The following CDH22 variants were observed in gnomAD, a reference collection of about 807,000 sequenced individuals.
CDH22 encodes the protein cadherin-22.
CDH22 carries 30 observed loss-of-function variants against 58.4 expected under a neutral mutation model. That is an observed-to-expected ratio of 0.51 (90% CI 0.38 to 0.70). The LOEUF (loss-of-function observed/expected upper bound fraction) is 0.70, where lower values mean the gene tolerates loss of function less well. Ranked by LOEUF, CDH22 falls within the 30% of genes least tolerant of loss-of-function variation. The probability of loss-of-function intolerance (pLI) is 0.00; values close to 1 mark genes in which losing one functional copy is unlikely to be tolerated. For missense variants in CDH22, 1,014 were observed against 1,233.9 expected, an observed-to-expected ratio of 0.82 and a Z score of 2.67; for synonymous variants, 513 against 558.2, an observed-to-expected ratio of 0.92 and a Z score of 1.14.
chr20:46,210,121 C>T lies in CDH22; in HGVS notation c.1286+186G>A. The T allele has an allele frequency of 3.7e-6, 2 of 539,914 alleles. No individual in the cohort carries two copies. The highest frequency in any genetic ancestry group is 6.6e-5 in the South Asian group (2 of 30,204). 33.4% of individuals were successfully genotyped at this position (539,914 alleles called of 1,614,324 possible). A position where few individuals can be genotyped will look rare whatever the true frequency, so the allele number is the denominator to read the frequency against. On this transcript the variant is annotated intron_variant, in intron 7 of 11. Coordinates refer to ENST00000537909, the MANE Select transcript of CDH22 (RefSeq NM_021248.3). The surrounding 1 kb of genome is among the most constrained non-coding windows in gnomAD (Gnocchi z 4.5). Reference sequence around the variant, plus strand: ...CATTGACTGTTCTCACATCTGCTTCCTTGGCTCTTTGGCTCCGTGCCTGTT... The same window carrying T: ...CATTGACTGTTCTCACATCTGCTTCTTTGGCTCTTTGGCTCCGTGCCTGTT...
At chr20:46,222,263 G>A (rs1457835776) in intron 4 of CDH22, among the ~76,000 whole-genome samples, 3 of 152,134 alleles carry the variant, frequency 2.0e-5, no homozygotes, top group African/African-American at 7.2e-5. Context: ...TGTTCATCCC[G>A]TGTCTATAGG....
Position 46,216,769 on chromosome 20 carries a change from G to A in CDH22, c.838+57C>T. 2 of 1,518,914 alleles carry A rather than the reference G, an allele frequency of 1.3e-6. No homozygotes were observed. The highest frequency in any genetic ancestry group is 1.8e-6 in the Non-Finnish European group (2 of 1,104,890). The allele number at this position is 1,518,914 out of a possible 1,614,324, so 94.1% of individuals were successfully genotyped here. A position where few individuals can be genotyped will look rare whatever the true frequency, so the allele number is the denominator to read the frequency against. On this transcript the variant is annotated intron_variant, in intron 5 of 11. Transcript: ENST00000537909. This position sits in a 1 kb window ranked among gnomAD's most constrained non-coding sequence, Gnocchi z 5.3. The stretch of plus-strand genomic sequence containing the variant: ...GGAAGCTGGGGTCAGCAGGTGGCTT[G>A]GATGGGGTAACAGACAGACACACAG...
intron 8 of CDH22, among the ~76,000 whole-genome samples, chr20:46,189,408 C>T (rs2085848689): frequency 6.6e-6 from 1 of 152,126 alleles, no homozygotes; most frequent in African/African-American, 2.4e-5. Context: ...TCTTTCCCAG[C>T]AGAGGCAGAG....
In CDH22 at chr20:46,210,598, T is replaced by A. The variant is rs775610729; in HGVS notation, c.1033-38A>T. ...GCAGAGGGCCGGTTAGTGGGTGGGGTCTGGTGGACACTGAGGCCTTCACGA... is the reference window on the plus strand; with the variant it reads ...GCAGAGGGCCGGTTAGTGGGTGGGGACTGGTGGACACTGAGGCCTTCACGA... On this transcript the variant is annotated intron_variant, in intron 6 of 11. Transcript: ENST00000537909. This position sits in a 1 kb window ranked among gnomAD's most constrained non-coding sequence, Gnocchi z 4.5. 1.4e-6 allele frequency: 2 copies of A among 1,415,816 alleles called. No homozygotes were observed. Among genetic ancestry groups the A allele is most frequent in the Non-Finnish European group, 1.9e-6 (2 of 1,080,636 alleles). 87.7% of individuals were successfully genotyped at this position (1,415,816 alleles called of 1,614,324 possible). A position where few individuals can be genotyped will look rare whatever the true frequency, so the allele number is the denominator to read the frequency against.
At chr20:46,261,890 A>C (rs1221532825) in intron 1 of CDH22, among the ~76,000 whole-genome samples, 1 of 152,092 alleles carries the variant, frequency 6.6e-6, no homozygotes, top group Non-Finnish European at 1.5e-5. Flanking sequence ...CCCTAGGTAT[A>C]AGGCACGATG....
At chr20:46,195,614 ACC>A (rs113226361) in intron 8 of CDH22, among the ~76,000 whole-genome samples, 1 of 105,842 alleles carries the variant, frequency 9.4e-6, no homozygotes, top group African/African-American at 3.4e-5. Flanking sequence ...TCTCCCCTAG[ACC>A]CCCCCCCCAC....
At chr20:46,269,155 C>T (rs1663876377) in intron 1 of CDH22, among the ~76,000 whole-genome samples, 1 of 152,226 alleles carries the variant, frequency 6.6e-6, no homozygotes. Context: ...ACTGATCTTT[C>T]ATGGTTTGCC....
At chr20:46,217,115 T>A in intron 4 of CDH22, 122 bp from the exon 5 acceptor site, 1 of 902,276 alleles carries the variant, frequency 1.1e-6, no homozygotes, top group Non-Finnish European at 1.7e-6. Context: ...AGGAGGAGAG[T>A]GGGCCACACA....
In CDH22 at chr20:46,241,279, CA is replaced by C; in HGVS notation, c.256-23del. ...GGATCTGGGTAGGCAGAGAAGAAGG[CA>C]AGGTGGAGGCTGAGAAGGAAGCTCC... is the stretch of plus-strand genomic sequence containing the variant. On this transcript the variant is annotated intron_variant, in intron 2 of 11. Coordinates refer to ENST00000537909, the MANE Select transcript of CDH22 (RefSeq NM_021248.3). This position sits in a 1 kb window ranked among gnomAD's most constrained non-coding sequence, Gnocchi z 5.2. 6.4e-7 allele frequency: 1 copy of C among 1,565,522 alleles called. No individual in the cohort carries two copies. Among genetic ancestry groups the C allele is most frequent in the African/African-American group, 1.4e-5 (1 of 73,958 alleles).
At chr20:46,185,501 C>T (rs2085818848) in intron 10 of CDH22, among the ~76,000 whole-genome samples, 1 of 152,104 alleles carries the variant, frequency 6.6e-6, no homozygotes, top group African/African-American at 2.4e-5. Flanking sequence ...CTTAGAGTCT[C>T]AGTTTCATCA....
chr20:46,289,005 T>C (rs532592396), intron 1 of CDH22, among the ~76,000 whole-genome samples: 2 of 152,352 alleles, frequency 1.3e-5, no homozygotes, highest in East Asian at 1.9e-4. Context: ...CGGAGTAAAA[T>C]GGCTCATAAG....
chr20:46,193,906 T>C (rs2085879255), intron 8 of CDH22, among the ~76,000 whole-genome samples: 1 of 152,074 alleles, frequency 6.6e-6, no homozygotes, highest in African/African-American at 2.4e-5. Context: ...GTAATCCCAG[T>C]GCTTTGGGAG....
intron 1 of CDH22, among the ~76,000 whole-genome samples, chr20:46,279,361 G>C (rs1479192115): frequency 6.6e-6 from 1 of 152,186 alleles, no homozygotes. Context: ...CTGATGATAA[G>C]GGGAAAAGGG....
At chr20:46,229,772 G>A (rs2086206153) in intron 3 of CDH22, among the ~76,000 whole-genome samples, 1 of 152,132 alleles carries the variant, frequency 6.6e-6, no homozygotes, top group African/African-American at 2.4e-5. Flanking sequence ...TAAAGCATCA[G>A]GCTTATGGTG....
At chr20:46,184,947 G>T (rs568497545) in intron 10 of CDH22, among the ~76,000 whole-genome samples, 33 of 152,180 alleles carry the variant, frequency 2.2e-4, no homozygotes, top group African/African-American at 7.0e-4. Flanking sequence ...TTAGCCTGGC[G>T]TGGTGGTGCG....
intron 2 of CDH22, among the ~76,000 whole-genome samples, chr20:46,249,453 T>C (rs1183766208): frequency 6.6e-6 from 1 of 152,184 alleles, no homozygotes; most frequent in Non-Finnish European, 1.5e-5. Context: ...GAATCATTCA[T>C]TCATTCATTC....
intron 4 of CDH22, among the ~76,000 whole-genome samples, chr20:46,226,857 T>A (rs2086178730): frequency 6.6e-6 from 1 of 152,182 alleles, no homozygotes; most frequent in Non-Finnish European, 1.5e-5. Flanking sequence ...TCTTCAGTCT[T>A]CTCATCCTGT....
intron 1 of CDH22, among the ~76,000 whole-genome samples, chr20:46,277,641 A>AG (rs2145763790): frequency 6.6e-6 from 1 of 151,766 alleles, no homozygotes; most frequent in South Asian, 2.1e-4. Flanking sequence ...AGGAAATCAG[A>AG]GGGGGGTGAG....
At chr20:46,207,331 G>A (rs2086008496) in intron 7 of CDH22, among the ~76,000 whole-genome samples, 1 of 152,190 alleles carries the variant, frequency 6.6e-6, no homozygotes, top group South Asian at 2.1e-4. Flanking sequence ...AATTGGAGAG[G>A]AGGGGAGCTG....
Sources: allele counts gnomAD v4.1 joint callset (sites outside exome capture counted in the v4.1 genomes callset), GRCh38; gene constraint gnomAD v4.1.1; non-coding constraint Gnocchi (gnomAD v3.1); transcripts MANE v1.5; gene names NCBI Gene and HGNC (gene_info 2026-07-23, HGNC 2026-07-21).